SCAI: variants seen among roughly 807,000 people sequenced by gnomAD.
SCAI encodes protein SCAI.
SCAI carries 24 observed loss-of-function variants against 92.2 expected under a neutral mutation model. The observed-to-expected ratio is 0.26, with a 90% CI of 0.19 to 0.37. The LOEUF is 0.37. SCAI is among the 10% of genes least tolerant of loss of function. The probability of loss-of-function intolerance (pLI) is 1.00; values close to 1 mark genes in which losing one functional copy is unlikely to be tolerated. For missense variants in SCAI, 450 were observed against 736.2 expected (o/e 0.61, Z 4.50); for synonymous variants, 261 against 258.6 (o/e 1.01, Z -0.09).
At chr9:124,970,500 C>A (rs1192947494) in intron 17 of SCAI, among the ~76,000 whole-genome samples, 1 of 152,078 alleles carries the variant, frequency 6.6e-6, no homozygotes, top group Admixed American at 6.5e-5. Context: ...GGGTGGATCA[C>A]CTGAGGTCAG....
At chr9:125,124,891 T>C (rs1014131432) in intron 2 of SCAI, among the ~76,000 whole-genome samples, 4 of 152,210 alleles carry the variant, frequency 2.6e-5, no homozygotes, top group Admixed American at 6.5e-5. Flanking sequence ...ATAACTACCT[T>C]ACGGCCCTTC....
At chr9:125,122,641 A>G (rs914600109) in intron 2 of SCAI, among the ~76,000 whole-genome samples, 1 of 149,354 alleles carries the variant, frequency 6.7e-6, no homozygotes, top group African/African-American at 2.5e-5. Flanking sequence ...GCAGTGGCTC[A>G]CGCCAGTAAT....
chr9:125,050,763 G>A (rs1011420089), intron 3 of SCAI, among the ~76,000 whole-genome samples: 4 of 152,086 alleles, frequency 2.6e-5, no homozygotes, highest in Non-Finnish European at 4.4e-5. Context: ...GGTAGATGGA[G>A]TCTTCCTATG....
intron 17 of SCAI, chr9:124,968,566 CA>C (rs111665559): frequency 1.5e-5 from 14 of 914,794 alleles, no homozygotes; most frequent in African/African-American, 9.8e-5. Context: ...TCATAGTCCT[CA>C]AACGTGTATG....
chr9:125,136,813 G>T (rs1172993062), intron 2 of SCAI, among the ~76,000 whole-genome samples: 1 of 144,230 alleles, frequency 6.9e-6, no homozygotes, highest in African/African-American at 2.6e-5. Flanking sequence ...CTGTCACCCA[G>T]GCTAGAGTGC....
At chr9:125,111,864 C>T (rs540191408) in intron 2 of SCAI, among the ~76,000 whole-genome samples, 1 of 152,146 alleles carries the variant, frequency 6.6e-6, no homozygotes, top group South Asian at 2.1e-4. Flanking sequence ...TGTCTAGAGA[C>T]GCTAAGGCAT....
chr9:125,034,522 GC>G (rs1326171923), intron 3 of SCAI, among the ~76,000 whole-genome samples: 1 of 152,040 alleles, frequency 6.6e-6, no homozygotes, highest in East Asian at 1.9e-4. Flanking sequence ...GACAGCTCGA[GC>G]CCAGGAGTTC....
At chr9:124,983,347 T>G (rs1220096618) in intron 14 of SCAI, among the ~76,000 whole-genome samples, 1 of 152,004 alleles carries the variant, frequency 6.6e-6, no homozygotes, top group African/African-American at 2.4e-5. Flanking sequence ...ATGTAAGTAT[T>G]TTTTTATTTT....
intron 9 of SCAI, among the ~76,000 whole-genome samples, chr9:125,005,928 C>T (rs1832496939): frequency 6.6e-6 from 1 of 152,132 alleles, no homozygotes; most frequent in South Asian, 2.1e-4. Flanking sequence ...GAATTCACGG[C>T]CATATGCTGA....
chr9:124,954,281 T>C (rs1347717465), intron 17 of SCAI, among the ~76,000 whole-genome samples: 1 of 152,230 alleles, frequency 6.6e-6, no homozygotes, highest in African/African-American at 2.4e-5. Flanking sequence ...TATCATTCCA[T>C]CTAGTAATAG....
chr9:125,083,002 T>C (rs898710442), intron 2 of SCAI, among the ~76,000 whole-genome samples: 2 of 152,140 alleles, frequency 1.3e-5, no homozygotes, highest in Non-Finnish European at 2.9e-5. Flanking sequence ...GACATGAGAT[T>C]TGGGAAGGGC....
chr9:125,064,512 C>T (rs1833839026), intron 2 of SCAI, among the ~76,000 whole-genome samples: 1 of 152,130 alleles, frequency 6.6e-6, no homozygotes, highest in South Asian at 2.1e-4. Flanking sequence ...CTTCTGACCA[C>T]ACTGCAAGTA....
chr9:124,998,560 G>A (rs1169866657), intron 13 of SCAI, among the ~76,000 whole-genome samples: 1 of 152,124 alleles, frequency 6.6e-6, no homozygotes, highest in Non-Finnish European at 1.5e-5. Context: ...TAGATAGAAG[G>A]AATATGTTCT....
chr9:125,130,055 C>G (rs1052443324), intron 2 of SCAI, among the ~76,000 whole-genome samples: 1 of 151,740 alleles, frequency 6.6e-6, no homozygotes, highest in Non-Finnish European at 1.5e-5. Context: ...CCCACCACCA[C>G]GCCCAGCTAA....
At chr9:125,094,159 C>T (rs1257124751) in intron 2 of SCAI, among the ~76,000 whole-genome samples, 1 of 152,200 alleles carries the variant, frequency 6.6e-6, no homozygotes, top group South Asian at 2.1e-4. Flanking sequence ...AGAATCTTCA[C>T]ATGGTTTCCC....
intron 3 of SCAI, among the ~76,000 whole-genome samples, chr9:125,046,719 A>C (rs1312884463): frequency 6.6e-6 from 1 of 150,462 alleles, no homozygotes; most frequent in Non-Finnish European, 1.5e-5. Flanking sequence ...AAAAAAAAAA[A>C]CTAACTACAA....
At chr9:125,051,711 T>C (rs993140217) in intron 3 of SCAI, among the ~76,000 whole-genome samples, 3 of 152,184 alleles carry the variant, frequency 2.0e-5, no homozygotes, top group African/African-American at 7.2e-5. Flanking sequence ...ATCAAAACAA[T>C]TGGAAATGTT....
At chr9:125,001,310 T>C (rs190818067) in intron 12 of SCAI, among the ~76,000 whole-genome samples, 8 of 152,342 alleles carry the variant, frequency 5.3e-5, no homozygotes, top group African/African-American at 1.9e-4. Context: ...AATTTTTTTA[T>C]TTTTTTATTT....
chr9:124,991,551 C>A (rs1300748127), intron 14 of SCAI, among the ~76,000 whole-genome samples: 4 of 151,324 alleles, frequency 2.6e-5, no homozygotes, highest in Non-Finnish European at 5.9e-5. Context: ...TCATTAAAAA[C>A]TTGCAGGTCG....
Sources: allele counts gnomAD v4.1 joint callset (sites outside exome capture counted in the v4.1 genomes callset), GRCh38; gene constraint gnomAD v4.1.1; transcripts MANE v1.5; gene names NCBI Gene and HGNC (gene_info 2026-07-23, HGNC 2026-07-21).